The following UBR3 variants were observed in gnomAD, a reference collection of about 807,000 sequenced individuals.
UBR3 encodes the protein ubiquitin protein ligase E3 component n-recognin 3, also known as E3 ubiquitin-protein ligase UBR3.
UBR3 carries 85 observed loss-of-function variants against 243.2 expected under a neutral mutation model. The observed-to-expected ratio is 0.35, with a 90% CI of 0.29 to 0.42. The LOEUF (loss-of-function observed/expected upper bound fraction) is 0.42. UBR3 is among the 10% of genes least tolerant of loss of function. The pLI, the probability that UBR3 is intolerant of heterozygous loss-of-function variation, is 1.00. For synonymous variants in UBR3, 748 were observed against 799.8 expected (o/e 0.94, Z 1.09); for missense variants, 1,686 against 2,300.8 (o/e 0.73, Z 5.47).
At chr2:170,065,289 T>C (rs2091537883) in intron 35 of UBR3, among the ~76,000 whole-genome samples, 2 of 152,020 alleles carry the variant, frequency 1.3e-5, no homozygotes, top group Non-Finnish European at 2.9e-5. Flanking sequence ...TTAATACTTT[T>C]TTTGGGTGGG....
intron 1 of UBR3, among the ~76,000 whole-genome samples, chr2:169,841,771 G>A (rs530818277): frequency 6.6e-6 from 1 of 152,226 alleles, no homozygotes; most frequent in Non-Finnish European, 1.5e-5. Flanking sequence ...GCCTTCCCGC[G>A]GGGCAGGGCT....
chr2:169,943,294 A>G (rs2105357269), intron 20 of UBR3, among the ~76,000 whole-genome samples: 1 of 152,266 alleles, frequency 6.6e-6, no homozygotes, highest in Admixed American at 6.5e-5. Context: ...GATTTTTATA[A>G]TCTCATCTGC....
intron 36 of UBR3, 133 bp from the exon 37 acceptor site, chr2:170,079,681 G>A: frequency 1.4e-6 from 1 of 695,168 alleles, no homozygotes. Flanking sequence ...GGAAATGAGA[G>A]GAGTGTTAAT....
chr2:169,959,747 A>G (rs1242975680), intron 24 of UBR3, among the ~76,000 whole-genome samples: 2 of 152,126 alleles, frequency 1.3e-5, no homozygotes, highest in South Asian at 2.1e-4. Context: ...AGCTGAAAGT[A>G]CAGTACCCGG....
intron 11 of UBR3, among the ~76,000 whole-genome samples, chr2:169,919,856 T>C (rs1425490148): frequency 6.6e-6 from 1 of 152,128 alleles, no homozygotes; most frequent in Non-Finnish European, 1.5e-5. Flanking sequence ...TTTTACACTG[T>C]TGGTGGGACT....
chr2:169,940,170 GTTC>G (rs1272666850), intron 19 of UBR3, among the ~76,000 whole-genome samples: 7 of 152,172 alleles, frequency 4.6e-5, no homozygotes, highest in South Asian at 4.2e-4. Flanking sequence ...GAACATTACA[GTTC>G]TTCTAGCTAT....
At chr2:169,929,384 G>A (rs949057055) in intron 18 of UBR3, among the ~76,000 whole-genome samples, 2 of 152,078 alleles carry the variant, frequency 1.3e-5, no homozygotes, top group African/African-American at 4.8e-5. Context: ...AGACCATCCT[G>A]GCCAACATGA....
intron 7 of UBR3, among the ~76,000 whole-genome samples, chr2:169,895,719 T>C (rs1001305870): frequency 2.0e-5 from 3 of 152,184 alleles, no homozygotes; most frequent in Middle Eastern, 3.4e-3. Context: ...AAAGCATGGG[T>C]TGAAAAGTTG....
chr2:169,940,518 A>G (rs1315340355), intron 19 of UBR3, among the ~76,000 whole-genome samples: 1 of 152,178 alleles, frequency 6.6e-6, no homozygotes, highest in Non-Finnish European at 1.5e-5. Context: ...TTTGCATTCT[A>G]CATAGTCAAT....
rs2086835581 is a variant in UBR3, at chr2:169,947,598, A to T, written c.2967A>T (p.Leu989Phe). 6.5e-7 allele frequency: 1 copy of T among 1,531,996 alleles called. No homozygotes were observed. Among genetic ancestry groups the T allele is most frequent in the Non-Finnish European group, 8.8e-7 (1 of 1,137,618 alleles). 94.9% of individuals were successfully genotyped at this position (1,531,996 alleles called of 1,614,324 possible). The change falls in exon 22 of 39, where the codon TTA (leucine) becomes TTT (phenylalanine). Residue 989 changes from leucine (L) to phenylalanine (F), a missense_variant. Leu to Phe is a conservative substitution (Grantham distance 22). Transcript: ENST00000272793. ...CHDSWFPGSN[L>F]VSNMRHFINY... ...ACAGTTGGTTTCCTGGCAGTAACTT[A>T]GTGTCAAACATGCGACACTTTATAA...
At chr2:169,836,660 C>T (rs2082123129) in intron 1 of UBR3, among the ~76,000 whole-genome samples, 2 of 151,392 alleles carry the variant, frequency 1.3e-5, no homozygotes, top group African/African-American at 4.9e-5. Flanking sequence ...CCAAAAGACA[C>T]TTGGTGTTAT....
chr2:169,930,538 C>G (rs1442904158), intron 18 of UBR3, among the ~76,000 whole-genome samples: 8 of 152,046 alleles, frequency 5.3e-5, no homozygotes, highest in Non-Finnish European at 7.4e-5. Context: ...AGACACCCAC[C>G]ACCATGCTGG....
intron 16 of UBR3, 29 bp downstream of exon 16, chr2:169,927,000 C>G (rs756346940): frequency 3.3e-6 from 5 of 1,535,232 alleles, no homozygotes; most frequent in Non-Finnish European, 4.4e-6. Flanking sequence ...AATACTTATG[C>G]ATTAACTGTT....
chr2:169,945,790 T>C (rs17555863), intron 20 of UBR3, among the ~76,000 whole-genome samples: 2,858 of 152,304 alleles, frequency 0.019, 44 homozygotes, highest in Middle Eastern at 0.031. Context: ...CAAATTTTCC[T>C]CAGAGAAGCC....
chr2:169,890,538 G>GATAT (rs1238478825), intron 5 of UBR3, among the ~76,000 whole-genome samples: 1 of 77,596 alleles, frequency 1.3e-5, no homozygotes, highest in African/African-American at 6.2e-5. Flanking sequence ...GAGAGAGAGA[G>GATAT]AGATATATAT....
At chr2:169,976,841 A>G (rs773991215) in intron 24 of UBR3, among the ~76,000 whole-genome samples, 8 of 152,054 alleles carry the variant, frequency 5.3e-5, no homozygotes, top group Non-Finnish European at 1.2e-4. Flanking sequence ...CTGGTTTTCT[A>G]TGCCATTTTT....
chr2:169,960,152 T>A (rs1358649545), intron 24 of UBR3, among the ~76,000 whole-genome samples: 1 of 145,196 alleles, frequency 6.9e-6, no homozygotes. Context: ...CTCAGGAGGC[T>A]GAGGCAGGAG....
chr2:169,932,867 T>C lies in UBR3; in HGVS notation c.2567-45T>C, dbSNP rs1330894684. The C allele has an allele frequency of 7.7e-6, 11 of 1,428,864 alleles. No individual in the cohort carries two copies. In the East Asian group the frequency reaches 2.8e-4, roughly 36 times the overall value. 88.5% of individuals were successfully genotyped at this position (1,428,864 alleles called of 1,614,324 possible). A position where few individuals can be genotyped will look rare whatever the true frequency, so the allele number is the denominator to read the frequency against. The stretch of plus-strand genomic sequence containing the variant: ...ATGTAATAAGTCAATAAATATTGAT[T>C]TTATTTCTGAGAAGTCAATGTTTCT... On this transcript the variant is annotated intron_variant, in intron 18 of 38. Coordinates refer to ENST00000272793, the MANE Select transcript of UBR3 (RefSeq NM_172070.4).
At position 169,896,474 on chromosome 2, in the gene UBR3, T is replaced by C. The variant is rs752318500; in HGVS notation, c.1237-33T>C. 8.4e-6 allele frequency: 11 copies of C among 1,305,756 alleles called. No individual in the cohort carries two copies. In the South Asian group the frequency reaches 1.4e-4, roughly 17 times the overall value. 80.9% of individuals were successfully genotyped at this position (1,305,756 alleles called of 1,614,324 possible). On this transcript the variant is annotated intron_variant, in intron 7 of 38. Coordinates refer to ENST00000272793, the MANE Select transcript of UBR3 (RefSeq NM_172070.4). The stretch of plus-strand genomic sequence containing the variant: ...ATTTTAAATTAAAAATTAAAACTAA[T>C]GTGTTTTTTCCTTTCTATTAAAATG...
Sources: allele counts gnomAD v4.1 joint callset (sites outside exome capture counted in the v4.1 genomes callset), GRCh38; gene constraint gnomAD v4.1.1; transcripts MANE v1.5; gene names NCBI Gene and HGNC (gene_info 2026-07-23, HGNC 2026-07-21).